PALLD: variants seen among roughly 807,000 people sequenced by gnomAD.
The protein encoded by PALLD is palladin, cytoskeletal associated protein, also known as palladin.
In PALLD, 61 loss-of-function variants were observed where a neutral mutation model predicts 123.5. The ratio of observed to expected loss-of-function variants is 0.49; its 90% CI spans 0.40 to 0.61. The LOEUF (loss-of-function observed/expected upper bound fraction) is 0.61. Ranked by LOEUF, PALLD falls within the 20% of genes least tolerant of loss-of-function variation. PALLD has a pLI of 0.00. For synonymous variants in PALLD, 465 were observed against 496.4 expected, an observed-to-expected ratio of 0.94 and a Z score of 0.84; for missense variants, 1,273 against 1,377.0, an observed-to-expected ratio of 0.92 and a Z score of 1.20.
At chr4:168,641,825 G>A (rs1484885489) in intron 2 of PALLD, among the ~76,000 whole-genome samples, 2 of 152,148 alleles carry the variant, frequency 1.3e-5, no homozygotes, top group African/African-American at 4.8e-5. Flanking sequence ...CTGAGGGAAA[G>A]CTTCACAGCC....
chr4:168,693,703 AG>A (rs1782866297), intron 8 of PALLD, among the ~76,000 whole-genome samples: 1 of 152,168 alleles, frequency 6.6e-6, no homozygotes, highest in Non-Finnish European at 1.5e-5. Context: ...TATAGTCAGG[AG>A]CTATTAAAAA....
At chr4:168,704,753 TA>T (rs1466900651) in intron 8 of PALLD, among the ~76,000 whole-genome samples, 1 of 151,774 alleles carries the variant, frequency 6.6e-6, no homozygotes, top group African/African-American at 2.4e-5. Flanking sequence ...AGATAAATCT[TA>T]AGAATAAAGA....
intron 10 of PALLD, among the ~76,000 whole-genome samples, chr4:168,756,536 T>C (rs1731907150): frequency 1.3e-5 from 2 of 152,218 alleles, no homozygotes; most frequent in Admixed American, 6.5e-5. Flanking sequence ...TGCTGATGGC[T>C]AGCACTCAGG....
chr4:168,719,784 T>C (rs1348291685), intron 10 of PALLD, among the ~76,000 whole-genome samples: 1 of 152,166 alleles, frequency 6.6e-6, no homozygotes, highest in African/African-American at 2.4e-5. Context: ...CTAGTTTCCA[T>C]GTGTTCTTGT....
intron 3 of PALLD, among the ~76,000 whole-genome samples, chr4:168,678,580 C>T (rs555619629): frequency 1.3e-5 from 2 of 152,242 alleles, no homozygotes; most frequent in South Asian, 4.1e-4. Context: ...GCATGGAAAA[C>T]AAGCAGGGAG....
intron 10 of PALLD, among the ~76,000 whole-genome samples, chr4:168,748,917 A>G (rs1181700800): frequency 6.6e-6 from 1 of 152,160 alleles, no homozygotes; most frequent in Non-Finnish European, 1.5e-5. Flanking sequence ...ATGGTGTCAT[A>G]TATGTCATAT....
intron 15 of PALLD, among the ~76,000 whole-genome samples, chr4:168,910,885 G>A (rs892311213): frequency 2.6e-5 from 4 of 152,138 alleles, no homozygotes; most frequent in Non-Finnish European, 5.9e-5. Context: ...AATTTTAGAA[G>A]GAGGTAAGCA....
intron 10 of PALLD, among the ~76,000 whole-genome samples, chr4:168,825,483 T>A (rs754173173): frequency 4.6e-5 from 7 of 152,218 alleles, no homozygotes; most frequent in Non-Finnish European, 8.8e-5. Context: ...TCCCGTTTAT[T>A]TGACGCAGAA....
At chr4:168,708,913 A>T in intron 8 of PALLD, 115 bp from the exon 9 acceptor site, 1 of 918,744 alleles carries the variant, frequency 1.1e-6, no homozygotes, top group Non-Finnish European at 1.8e-6. Flanking sequence ...TTGTAAAGTG[A>T]ATCTGTAATA....
At chr4:168,747,391 CAA>C in intron 10 of PALLD, among the ~76,000 whole-genome samples, 1 of 152,314 alleles carries the variant, frequency 6.6e-6, no homozygotes, top group East Asian at 1.9e-4. Flanking sequence ...GCATAGAAAT[CAA>C]GAGAGAACAG....
intron 10 of PALLD, among the ~76,000 whole-genome samples, chr4:168,760,475 T>A (rs1732681561): frequency 6.6e-6 from 1 of 152,192 alleles, no homozygotes; most frequent in African/African-American, 2.4e-5. Context: ...GAGGTTTCTA[T>A]GATCTCTTTC....
chr4:168,540,608 G>C (rs1010105577), intron 2 of PALLD, among the ~76,000 whole-genome samples: 1 of 152,098 alleles, frequency 6.6e-6, no homozygotes, highest in Non-Finnish European at 1.5e-5. Flanking sequence ...AGAGCAAAAA[G>C]TATGCATGTA....
At chr4:168,609,316 G>A (rs188546611) in intron 2 of PALLD, among the ~76,000 whole-genome samples, 155 of 104,522 alleles carry the variant, frequency 1.5e-3, no homozygotes, top group African/African-American at 5.4e-3. Context: ...AGGACGAGGA[G>A]ATAAGAAAGC....
intron 1 of PALLD, among the ~76,000 whole-genome samples, chr4:168,501,653 G>A (rs1296916867): frequency 6.6e-6 from 1 of 152,018 alleles, no homozygotes; most frequent in Non-Finnish European, 1.5e-5. Flanking sequence ...TTAGGCACAT[G>A]TTGAAATTCA....
At chr4:168,719,494 A>C (rs545098220) in intron 10 of PALLD, among the ~76,000 whole-genome samples, 2 of 152,036 alleles carry the variant, frequency 1.3e-5, no homozygotes, top group East Asian at 3.9e-4. Context: ...TCCTCACCTC[A>C]GGTGATCTGC....
chr4:168,889,443 C>T (rs1017743139), intron 10 of PALLD, among the ~76,000 whole-genome samples: 16 of 151,974 alleles, frequency 1.1e-4, no homozygotes, highest in Admixed American at 2.6e-4. Flanking sequence ...GGAATACAGG[C>T]GTGAGCCACC....
intron 10 of PALLD, among the ~76,000 whole-genome samples, chr4:168,729,364 A>G (rs1248372692): frequency 1.3e-5 from 2 of 151,088 alleles, no homozygotes; most frequent in African/African-American, 2.4e-5. Flanking sequence ...GGGTCTTGCT[A>G]TGTTGCCCAG....
At chr4:168,559,352 G>T (rs528892809) in intron 2 of PALLD, among the ~76,000 whole-genome samples, 2 of 152,084 alleles carry the variant, frequency 1.3e-5, no homozygotes, top group Non-Finnish European at 2.9e-5. Flanking sequence ...GATCATTAAA[G>T]GTACAGAGCA....
At chr4:168,877,821 C>T (rs1322635098) in intron 10 of PALLD, 1 of 1,287,048 alleles carries the variant, frequency 7.8e-7, no homozygotes, top group East Asian at 3.3e-5. Context: ...GCGCCGCCCT[C>T]GCCCCCCTTC....
Sources: gnomAD v4.1 joint callset for allele counts (sites outside exome capture counted in the v4.1 genomes callset) on GRCh38, gnomAD v4.1.1 for gene constraint, MANE v1.5 for transcripts, NCBI Gene and HGNC (gene_info 2026-07-23, HGNC 2026-07-21) for gene names.